Variants in AFG2A observed in about 807,000 individuals in gnomAD.
AFG2A encodes the protein AAA ATPase AFG2A, also known as ATPase family gene 2 protein homolog A.
At chr4:123,243,557 T>C in the AFG2A span, among the ~76,000 whole-genome samples, 7 of 151,786 alleles carry the variant, frequency 4.6e-5, no homozygotes, top group Admixed American at 2.0e-4. Context: ...TGAGAACACT[T>C]GGACGCAGGG....
the AFG2A span, among the ~76,000 whole-genome samples, chr4:123,064,438 C>T: frequency 6.6e-6 from 1 of 152,340 alleles, no homozygotes; most frequent in East Asian, 1.9e-4. Flanking sequence ...AGAAAGGTCC[C>T]TGCATTAATG....
chr4:123,088,292 T>C, the AFG2A span, among the ~76,000 whole-genome samples: 3 of 152,264 alleles, frequency 2.0e-5, no homozygotes, highest in East Asian at 3.9e-4. Flanking sequence ...CCACCTTGAC[T>C]CTCCTGAGAC....
chr4:122,989,318 T>G, the AFG2A span, among the ~76,000 whole-genome samples: 1 of 152,074 alleles, frequency 6.6e-6, no homozygotes, highest in Admixed American at 6.6e-5. Flanking sequence ...CTGGAGTCCT[T>G]GGGTATCTTG....
At chr4:122,931,799 G>A in the AFG2A span, among the ~76,000 whole-genome samples, 7 of 152,130 alleles carry the variant, frequency 4.6e-5, no homozygotes, top group African/African-American at 1.7e-4. Context: ...ATCCTACATG[G>A]TAACATGGGT....
chr4:123,015,898 C>G, the AFG2A span, among the ~76,000 whole-genome samples: 2 of 44,854 alleles, frequency 4.5e-5, no homozygotes, highest in African/African-American at 5.3e-5. Context: ...GGCGGCTGGC[C>G]GGGCAGAGGG....
the AFG2A span, among the ~76,000 whole-genome samples, chr4:123,184,253 G>A: frequency 6.6e-6 from 1 of 152,076 alleles, no homozygotes; most frequent in Admixed American, 6.6e-5. Flanking sequence ...ATACTGGTCT[G>A]TTTTGTGTTA....
chr4:123,152,464 G>C, the AFG2A span, among the ~76,000 whole-genome samples: 2 of 152,150 alleles, frequency 1.3e-5, no homozygotes, highest in African/African-American at 4.8e-5. Flanking sequence ...GACCTTAACA[G>C]ACACCTCACC....
the AFG2A span, among the ~76,000 whole-genome samples, chr4:123,079,106 C>G: frequency 1.3e-5 from 2 of 152,270 alleles, no homozygotes; most frequent in South Asian, 4.1e-4. Context: ...CTTCTTTAAT[C>G]TTCTCATTTC....
chr4:123,042,965 G>A, the AFG2A span, among the ~76,000 whole-genome samples: 1,815 of 152,188 alleles, frequency 0.012, 52 homozygotes, highest in African/African-American at 0.04. Context: ...TATATTTGCC[G>A]TTTCTAACCC....
the AFG2A span, among the ~76,000 whole-genome samples, chr4:123,193,957 A>G: frequency 6.6e-6 from 1 of 152,198 alleles, no homozygotes; most frequent in African/African-American, 2.4e-5. Context: ...ACTTAATGAC[A>G]TATTAGAACT....
chr4:123,296,138 T>C, the AFG2A span, among the ~76,000 whole-genome samples: 1 of 151,774 alleles, frequency 6.6e-6, no homozygotes, highest in Non-Finnish European at 1.5e-5. Flanking sequence ...CAGCCATACA[T>C]TATGTGCATC....
the AFG2A span, among the ~76,000 whole-genome samples, chr4:122,976,623 C>T: frequency 6.6e-6 from 1 of 152,168 alleles, no homozygotes; most frequent in Non-Finnish European, 1.5e-5. Flanking sequence ...ACTAGCCTCC[C>T]CTTTTAGATC....
the AFG2A span, among the ~76,000 whole-genome samples, chr4:123,158,698 A>G: frequency 1.3e-5 from 2 of 152,174 alleles, no homozygotes; most frequent in Non-Finnish European, 2.9e-5. Context: ...TTTGAGCACA[A>G]TAAATCTCCC....
chr4:123,277,097 T>G, the AFG2A span, among the ~76,000 whole-genome samples: 3 of 152,316 alleles, frequency 2.0e-5, no homozygotes, highest in South Asian at 6.2e-4. Context: ...ACAATATTGA[T>G]TTCTTCCTAT....
the AFG2A span, among the ~76,000 whole-genome samples, chr4:123,020,391 G>A: frequency 6.7e-6 from 1 of 148,184 alleles, no homozygotes; most frequent in African/African-American, 2.5e-5. Flanking sequence ...TTTCTGAGAC[G>A]GACTTTCACT....
the AFG2A span, among the ~76,000 whole-genome samples, chr4:123,311,790 T>G: frequency 1.3e-5 from 2 of 149,696 alleles, no homozygotes; most frequent in African/African-American, 5.1e-5. Context: ...CTACATTTAT[T>G]TACTGTGCTG....
At chr4:123,201,854 C>T in the AFG2A span, among the ~76,000 whole-genome samples, 3 of 151,778 alleles carry the variant, frequency 2.0e-5, no homozygotes, top group Non-Finnish European at 2.9e-5. Context: ...CTGGTGAGGT[C>T]GAGGCTGCAG....
chr4:123,171,166 T>A, the AFG2A span, among the ~76,000 whole-genome samples: 2 of 152,180 alleles, frequency 1.3e-5, no homozygotes. Flanking sequence ...AACACGGAAG[T>A]AATACTGATG....
chr4:123,048,131 T>G, the AFG2A span, among the ~76,000 whole-genome samples: 1 of 152,194 alleles, frequency 6.6e-6, no homozygotes, highest in South Asian at 2.1e-4. Flanking sequence ...TTCCCCAGTG[T>G]GTGTTCTTGA....
Sources: gnomAD v4.1 joint callset for allele counts (sites outside exome capture counted in the v4.1 genomes callset) on GRCh38, gnomAD v4.1.1 for gene constraint, MANE v1.5 for transcripts, NCBI Gene and HGNC (gene_info 2026-07-23, HGNC 2026-07-21) for gene names.